LMBR1L: variants seen among roughly 807,000 people sequenced by gnomAD.
The protein encoded by LMBR1L is protein LMBR1L.
A neutral mutation model predicts 67.3 loss-of-function variants in LMBR1L; 47 were observed. The observed-to-expected ratio is 0.70, with a 90% confidence interval of 0.55 to 0.89. The LOEUF (loss-of-function observed/expected upper bound fraction) is 0.89. Ranked by LOEUF, LMBR1L falls within the 40% of genes least tolerant of loss-of-function variation. The pLI is 0.00. For missense variants in LMBR1L, 533 were observed against 599.2 expected, an observed-to-expected ratio of 0.89 and a Z score of 1.15; for synonymous variants, 247 against 250.3, an observed-to-expected ratio of 0.99 and a Z score of 0.13.
At chr12:49,099,039 T>C (rs1412368797) in intron 15 of LMBR1L, among the ~76,000 whole-genome samples, 1 of 151,406 alleles carries the variant, frequency 6.6e-6, no homozygotes, top group Non-Finnish European at 1.5e-5. Context: ...GGTCTAGGAC[T>C]CCTGGCCTCA....
chr12:49,108,054 G>GGAGTTC (rs1156574774), intron 1 of LMBR1L, among the ~76,000 whole-genome samples: 2 of 151,640 alleles, frequency 1.3e-5, no homozygotes, highest in Non-Finnish European at 2.9e-5. Flanking sequence ...CATGAGGTCA[G>GGAGTTC]GAGTTCAAGA....
In LMBR1L at chr12:49,097,278, A is replaced by G. The variant is rs1405392278; in HGVS notation, c.*394T>C. 1 of 211,448 alleles carries G rather than the reference A, an allele frequency of 4.7e-6. No homozygotes were observed. The highest frequency in any genetic ancestry group is 2.2e-5 in the African/African-American group (1 of 44,512). The allele number at this position is 211,448 out of a possible 1,614,324, so 13.1% of individuals were successfully genotyped here. A position where few individuals can be genotyped will look rare whatever the true frequency, so the allele number is the denominator to read the frequency against. On this transcript the variant is annotated 3_prime_UTR_variant, in exon 17 of 17. Transcript: ENST00000267102. ...GCTTAGGCTCTGCTGGGCCAGAGGC[A>G]AGGGAGACAATCTATCTCCCGAGCC... is the stretch of plus-strand genomic sequence containing the variant.
At chr12:49,110,275 G>A in intron 1 of LMBR1L, 1 of 601,358 alleles carries the variant, frequency 1.7e-6, no homozygotes, top group Non-Finnish European at 3.0e-6. Context: ...GAACGGAAAC[G>A]ACGGCCTTTG....
In LMBR1L at chr12:49,110,239, G is replaced by A. The variant is rs1396102043; in HGVS notation, c.72+245C>T. On this transcript the variant is annotated intron_variant, in intron 1 of 16. Transcript: ENST00000267102. ...GCGCTGGGTGAGGGGTGGGAGGGAG[G>A]GGCAGGGGAGGGGCGTGTGGGGGAG... 3 of 569,978 alleles carry A rather than the reference G, an allele frequency of 5.3e-6. No homozygotes were observed. In the East Asian group the frequency reaches 9.0e-5, roughly 17 times the overall value. The allele number at this position is 569,978 out of a possible 1,614,324, so 35.3% of individuals were successfully genotyped here. A position where few individuals can be genotyped will look rare whatever the true frequency, so the allele number is the denominator to read the frequency against.
At position 49,101,488 on chromosome 12, in the gene LMBR1L, A is replaced by G; in HGVS notation, c.992T>C (p.Met331Thr). The G allele has an allele frequency of 6.2e-7, 1 of 1,613,940 alleles. No individual in the cohort carries two copies. The highest frequency in any genetic ancestry group is 8.5e-7 in the Non-Finnish European group (1 of 1,179,906). ...ILELLIDEAAMPRGMQGTSLG... is the reference protein window; with the variant it reads ...ILELLIDEAATPRGMQGTSLG... ...GCCTGGTACCTGCATGCCTCGGGGC[A>G]TGGCAGCCTCATCGATGAGCAGCTC... Residue 331 changes from methionine (M) to threonine (T), a missense_variant, in exon 12 of 17, where the codon ATG (methionine) becomes ACG (threonine). Physicochemically the swap from Met to Thr is moderately conservative, Grantham distance 81. Coordinates refer to ENST00000267102, the MANE Select transcript of LMBR1L (RefSeq NM_018113.4).
At chr12:49,109,924 CG>C (rs1417435801) in intron 1 of LMBR1L, 16 of 407,604 alleles carry the variant, frequency 3.9e-5, no homozygotes, top group South Asian at 2.6e-4. Flanking sequence ...AGAAAAAAGA[CG>C]GGGGAATACT....
rs1941409985 is a variant in LMBR1L at position 49,110,366 on chromosome 12, C to T, written c.72+118G>A. 9.4e-6 allele frequency: 9 copies of T among 958,394 alleles called. No individual in the cohort carries two copies. In the Admixed American group the frequency reaches 1.6e-4, roughly 17 times the overall value. 59.4% of individuals were successfully genotyped at this position (958,394 alleles called of 1,614,324 possible). On this transcript the variant is annotated intron_variant, in intron 1 of 16. Transcript: ENST00000267102. ...GCCCTTCTGCCCGGACGGAGGCCTCCGTCGCCCGCCGCTGGCCCAGGCATG... is the reference window on the plus strand; with the variant it reads ...GCCCTTCTGCCCGGACGGAGGCCTCTGTCGCCCGCCGCTGGCCCAGGCATG...
chr12:49,105,003 G>C, intron 3 of LMBR1L, 118 bp from the exon 4 acceptor site: 1 of 1,160,660 alleles, frequency 8.6e-7, no homozygotes, highest in Non-Finnish European at 1.2e-6. Context: ...AGCAATCACA[G>C]AGCTAAGGAA....
chr12:49,102,976 T>C, intron 7 of LMBR1L, 25 bp from the exon 8 acceptor site: 1 of 1,612,286 alleles, frequency 6.2e-7, no homozygotes, highest in Non-Finnish European at 8.5e-7. Context: ...GCCAGTCACT[T>C]GCCAGACCCT....
intron 3 of LMBR1L, among the ~76,000 whole-genome samples, chr12:49,105,400 G>A (rs1011100357): frequency 1.3e-5 from 2 of 152,182 alleles, no homozygotes; most frequent in African/African-American, 4.8e-5. Context: ...TGCATATATT[G>A]AAGATGGGCA....
intron 3 of LMBR1L, 63 bp from the exon 4 acceptor site, chr12:49,104,948 G>A: frequency 6.5e-7 from 1 of 1,544,932 alleles, no homozygotes. Flanking sequence ...TGCTGAAGAA[G>A]CCCCATTTGT....
In LMBR1L at chr12:49,101,321, A is replaced by G. The variant is rs1364496568; in HGVS notation, c.1011T>C (p.Gly337=). The G allele has an allele frequency of 1.9e-6, 3 of 1,614,094 alleles. No individual in the cohort carries two copies. Among genetic ancestry groups the G allele is most frequent in the South Asian group, 2.2e-5 (2 of 91,084 alleles). The change falls in exon 13 of 17, where the codon GGT becomes GGC. Residue 337 remains glycine (G), a splice_region_variant and synonymous_variant. Coordinates refer to ENST00000267102, the MANE Select transcript of LMBR1L (RefSeq NM_018113.4). Reference sequence around the variant, plus strand: ...AGAAGGAGACCTGGCCTAAGGAGGTACCCTGAGGAGTGGGGCAGTATCACT... The same window carrying G: ...AGAAGGAGACCTGGCCTAAGGAGGTGCCCTGAGGAGTGGGGCAGTATCACT... ...DEAAMPRGMQ[G]TSLGQVSFSK...
rs753455673 is a variant in LMBR1L, at chr12:49,104,899, G to A, written c.192-14C>T. On this transcript the variant is annotated splice_polypyrimidine_tract_variant and intron_variant, in intron 3 of 16. Transcript: ENST00000267102. ...CACAGCTCGAGCCTGGGCAGAGAAG[G>A]GGACAGTGTCCTTGCTTAGCTCAGC... is the stretch of plus-strand genomic sequence containing the variant. 2.5e-6 allele frequency: 4 copies of A among 1,605,866 alleles called. No individual in the cohort carries two copies. The highest frequency in any genetic ancestry group is 3.4e-6 in the Non-Finnish European group (4 of 1,176,786).
intron 1 of LMBR1L, among the ~76,000 whole-genome samples, chr12:49,108,764 CAG>C (rs1941221420): frequency 6.6e-6 from 1 of 151,844 alleles, no homozygotes; most frequent in Non-Finnish European, 1.5e-5. Flanking sequence ...AAAAAAACAC[CAG>C]AGAGTCTCAA....
rs1024741530 is a variant in LMBR1L, at chr12:49,110,840, C to T, written c.-285G>A. 5 of 461,950 alleles carry T rather than the reference C, an allele frequency of 1.1e-5. No individual in the cohort carries two copies. Among genetic ancestry groups the T allele is most frequent in the African/African-American group, 3.9e-5 (2 of 50,818 alleles). The allele number at this position is 461,950 out of a possible 1,614,324, so 28.6% of individuals were successfully genotyped here. On this transcript the variant is annotated 5_prime_UTR_variant, in exon 1 of 17. Transcript: ENST00000267102. The stretch of plus-strand genomic sequence containing the variant: ...TTCAATGCAAACACCCGCCACTAGG[C>T]TCGCTACGAGGAAGCGCCGCTGAGG...
At chr12:49,109,196 G>T (rs1379078340) in intron 1 of LMBR1L, among the ~76,000 whole-genome samples, 2 of 152,144 alleles carry the variant, frequency 1.3e-5, no homozygotes, top group African/African-American at 2.4e-5. Flanking sequence ...CAGCTCATGG[G>T]ACTAAAGGAT....
intron 11 of LMBR1L, chr12:49,101,872 A>C: frequency 1.7e-6 from 1 of 585,754 alleles, no homozygotes; most frequent in Non-Finnish European, 3.0e-6. Flanking sequence ...TGCCAGGGCA[A>C]ACCTGCACAA....
At chr12:49,103,367 C>G (rs1430352744) in intron 6 of LMBR1L, among the ~76,000 whole-genome samples, 1 of 152,188 alleles carries the variant, frequency 6.6e-6, no homozygotes, top group African/African-American at 2.4e-5. Flanking sequence ...AAGGGTACAA[C>G]TGCTATTTGG....
intron 5 of LMBR1L, chr12:49,104,108 G>A (rs1482765068): frequency 1.5e-5 from 7 of 472,186 alleles, no homozygotes; most frequent in South Asian, 3.1e-5. Flanking sequence ...CTCTGGTTTC[G>A]CATCCAACAG....
Sources: gnomAD v4.1 joint callset for allele counts (sites outside exome capture counted in the v4.1 genomes callset) on GRCh38, gnomAD v4.1.1 for gene constraint, MANE v1.5 for transcripts, NCBI Gene and HGNC (gene_info 2026-07-23, HGNC 2026-07-21) for gene names.